The following CDC73 variants were observed in gnomAD, a reference collection of about 807,000 sequenced individuals.
CDC73 encodes cell division cycle 73.
CDC73 carries 21 observed loss-of-function variants against 83.7 expected under a neutral mutation model. The observed-to-expected ratio is 0.25, with a 90% CI of 0.18 to 0.36. The LOEUF (loss-of-function observed/expected upper bound fraction) is 0.36. Among genes scored for constraint, CDC73 ranks in the 10% least tolerant of loss-of-function variants. The pLI is 1.00. For synonymous variants in CDC73, 224 were observed against 212.9 expected (o/e 1.05, Z -0.45); for missense variants, 342 against 653.3 (o/e 0.52, Z 5.19).
At chr1:193,135,060 GTA>G (rs1252481193) in intron 3 of CDC73, among the ~76,000 whole-genome samples, 2 of 150,352 alleles carry the variant, frequency 1.3e-5, no homozygotes, top group Non-Finnish European at 3.0e-5. Context: ...ATGTGTGTGT[GTA>G]TATATATATT....
intron 10 of CDC73, among the ~76,000 whole-genome samples, chr1:193,188,812 C>CA (rs1335179007): frequency 2.0e-5 from 3 of 152,010 alleles, no homozygotes; most frequent in Non-Finnish European, 2.9e-5. Flanking sequence ...GGGACCCCCC[C>CA]GCCCCGAACT....
At chr1:193,166,710 T>C (rs1676441038) in intron 10 of CDC73, among the ~76,000 whole-genome samples, 1 of 151,346 alleles carries the variant, frequency 6.6e-6, no homozygotes, top group Non-Finnish European at 1.5e-5. Context: ...ACAGTGGAGC[T>C]ATCTTGGCTC....
intron 7 of CDC73, among the ~76,000 whole-genome samples, chr1:193,145,216 A>T (rs577714899): frequency 1.3e-5 from 2 of 152,330 alleles, no homozygotes; most frequent in South Asian, 4.1e-4. Flanking sequence ...ATTTTAAAGT[A>T]CCTATGCAAA....
chr1:193,126,792 A>G (rs1393767699), intron 2 of CDC73, among the ~76,000 whole-genome samples: 1 of 152,146 alleles, frequency 6.6e-6, no homozygotes, highest in Non-Finnish European at 1.5e-5. Flanking sequence ...TCTTAAAACA[A>G]TTTTTTAAAA....
At position 193,152,587 on chromosome 1, in the gene CDC73, T is replaced by A. The variant is rs1034263852; in HGVS notation, c.972+143T>A. The A allele has an allele frequency of 4.7e-6, 3 of 634,738 alleles. No homozygotes were observed. In the Admixed American group the frequency reaches 8.0e-5, roughly 17 times the overall value. The allele number at this position is 634,738 out of a possible 1,614,324, so 39.3% of individuals were successfully genotyped here. ...CACTTGTGCTGATTGATCTGTGTGG[T>A]GTATTATTTGATTCATGGGTATCCT... On this transcript the variant is annotated intron_variant, in intron 10 of 16. Coordinates refer to ENST00000367435, the MANE Select transcript of CDC73 (RefSeq NM_024529.5).
intron 10 of CDC73, chr1:193,180,865 A>G (rs140224595): frequency 1.9e-6 from 3 of 1,613,972 alleles, no homozygotes; most frequent in African/African-American, 2.7e-5. Flanking sequence ...GTTCATGCCC[A>G]TTAGTGTTTT....
At chr1:193,152,806 G>C (rs887303097) in intron 10 of CDC73, among the ~76,000 whole-genome samples, 15 of 152,038 alleles carry the variant, frequency 9.9e-5, no homozygotes, top group African/African-American at 2.7e-4. Flanking sequence ...TTGAGACAGA[G>C]TCTCGCTCTG....
intron 10 of CDC73, among the ~76,000 whole-genome samples, chr1:193,193,996 C>T (rs189073291): frequency 6.1e-4 from 92 of 152,044 alleles, no homozygotes; most frequent in Middle Eastern, 3.4e-3. Flanking sequence ...TCTGTGATTC[C>T]CAAAACAGCT....
chr1:193,130,387 C>A (rs1022090021), intron 3 of CDC73, 144 bp downstream of exon 3: 2 of 696,182 alleles, frequency 2.9e-6, no homozygotes, highest in South Asian at 3.1e-5. Context: ...TCACCTTTTT[C>A]TTATACAGTG....
intron 15 of CDC73, among the ~76,000 whole-genome samples, chr1:193,238,954 T>A (rs1338601002): frequency 6.6e-6 from 1 of 152,204 alleles, no homozygotes; most frequent in Non-Finnish European, 1.5e-5. Flanking sequence ...TTGGAACTTG[T>A]ATTGTTCAAG....
chr1:193,133,688 A>G lies in CDC73; in HGVS notation c.308-1703A>G, dbSNP rs77363252. ...GTAAAGTTCTGTATTATAAAAAACA[A>G]AAGACATGACAAACTGGGAAAATAT... On this transcript the variant is annotated intron_variant, in intron 3 of 16. Coordinates refer to ENST00000367435, the MANE Select transcript of CDC73 (RefSeq NM_024529.5). Among the ~76,000 whole-genome samples the G allele has an allele frequency of 1.9e-3, 289 of 152,310 alleles. 2 individuals are homozygous for G. The highest frequency in any genetic ancestry group is 2.4e-3 in the Non-Finnish European group (161 of 68,016).
At chr1:193,177,530 A>T (rs983531114) in intron 10 of CDC73, among the ~76,000 whole-genome samples, 7 of 129,734 alleles carry the variant, frequency 5.4e-5, no homozygotes, top group South Asian at 2.2e-4. Flanking sequence ...ACTCTGTCTA[A>T]AAAAAAAAAA....
intron 3 of CDC73, among the ~76,000 whole-genome samples, chr1:193,131,062 A>G (rs954312229): frequency 1.3e-5 from 2 of 152,052 alleles, no homozygotes; most frequent in Admixed American, 6.5e-5. Flanking sequence ...ATATATGCTG[A>G]TGAAATTTCA....
Position 193,254,236 on chromosome 1 carries a change from A to G in CDC73, c.*3524A>G, listed in dbSNP as rs548190260. 6.9e-4 allele frequency among the ~76,000 whole-genome samples: 105 copies of G among 152,162 alleles called. No homozygotes were observed. The highest frequency in any genetic ancestry group is 2.6e-3 in the Admixed American group (39 of 15,286). ...ATTGGTTTGTCTGGTTAAAGTCCAT[A>G]TAGAATGCTGAGAAATAATTTATAA... On this transcript the variant is annotated 3_prime_UTR_variant, in exon 17 of 17. Coordinates refer to ENST00000367435, the MANE Select transcript of CDC73 (RefSeq NM_024529.5).
chr1:193,212,767 C>T (rs1677301147), intron 13 of CDC73, among the ~76,000 whole-genome samples: 1 of 152,028 alleles, frequency 6.6e-6, no homozygotes, highest in Non-Finnish European at 1.5e-5. Context: ...TCTGAGAGAG[C>T]TTGAGGAAGT....
chr1:193,162,206 ATATATAT>A (rs1332647740), intron 10 of CDC73, among the ~76,000 whole-genome samples: 1 of 9,490 alleles, frequency 1.1e-4, no homozygotes, highest in Non-Finnish European at 2.2e-4. Flanking sequence ...ATTGTATATA[ATATATAT>A]TATATATTAT....
At chr1:193,153,872 A>T (rs766043680) in intron 10 of CDC73, among the ~76,000 whole-genome samples, 3 of 152,158 alleles carry the variant, frequency 2.0e-5, no homozygotes, top group Non-Finnish European at 4.4e-5. Flanking sequence ...CTCAGGAGGT[A>T]ACAGTTGAGC....
chr1:193,165,376 G>A (rs570850639), intron 10 of CDC73, among the ~76,000 whole-genome samples: 1 of 152,294 alleles, frequency 6.6e-6, no homozygotes, highest in South Asian at 2.1e-4. Flanking sequence ...TATGGTTAAA[G>A]TGCAAATAAA....
At chr1:193,234,175 T>TCTCACACACACACACACACACA (rs1241998258) in intron 14 of CDC73, among the ~76,000 whole-genome samples, 1 of 101,414 alleles carries the variant, frequency 9.9e-6, no homozygotes, top group African/African-American at 4.2e-5. Flanking sequence ...TCTCTCTCTC[T>TCTCACACACACACACACACACA]CACACACACA....
Sources: allele counts gnomAD v4.1 joint callset (sites outside exome capture counted in the v4.1 genomes callset), GRCh38; gene constraint gnomAD v4.1.1; transcripts MANE v1.5; gene names NCBI Gene and HGNC (gene_info 2026-07-23, HGNC 2026-07-21).